Variants in REST observed in about 807,000 individuals in gnomAD.
The protein encoded by REST is RE1 silencing transcription factor, also known as RE1-silencing transcription factor.
In REST, 1 loss-of-function variant was observed where a neutral mutation model predicts 30.4. That is an observed-to-expected ratio of 0.03 (90% CI 0.01 to 0.16). REST has a LOEUF of 0.16. Ranked by LOEUF, REST falls within the 10% of genes least tolerant of loss-of-function variation. The pLI, the probability that REST is intolerant of heterozygous loss-of-function variation, is 1.00. For missense variants in REST, 1,259 were observed against 1,329.5 expected (o/e 0.95, Z 0.82); for synonymous variants, 504 against 451.1 (o/e 1.12, Z -1.49).
At position 56,933,531 on chromosome 4, in the gene REST, T is replaced by A. The variant is rs1260848370; in HGVS notation, c.*1379T>A. Reference sequence around the variant, plus strand: ...TGAAACAAGTACAGTCCAGATTTTTTAAAATCATACTTTCTCAGGGATCTC... The same window carrying A: ...TGAAACAAGTACAGTCCAGATTTTTAAAAATCATACTTTCTCAGGGATCTC... On this transcript the variant is annotated 3_prime_UTR_variant, in exon 4 of 4. Transcript: ENST00000309042. 1 of 152,188 alleles carries A rather than the reference T, an allele frequency of 6.6e-6. No individual in the cohort carries two copies. The highest frequency in any genetic ancestry group is 2.1e-4 in the South Asian group (1 of 4,826). The allele number at this position is 152,188 out of a possible 1,614,324, so 9.4% of individuals were successfully genotyped here.
At chr4:56,914,994 G>A (rs997591673) in intron 2 of REST, among the ~76,000 whole-genome samples, 9 of 135,502 alleles carry the variant, frequency 6.6e-5, no homozygotes, top group East Asian at 2.2e-4. Flanking sequence ...GTGCAATCTC[G>A]GCTCACTGCA....
rs749346190 is a variant in REST, at chr4:56,930,644, C to T, written c.1786C>T (p.Pro596Ser). 11 of 1,613,462 alleles carry T rather than the reference C, an allele frequency of 6.8e-6. No individual in the cohort carries two copies. The highest frequency in any genetic ancestry group is 8.5e-6 in the Non-Finnish European group (10 of 1,179,926). ...ATCAAGTAAGAAAAGCAGTAAGCCT[C>T]CTCAGAAGGAACCTGTTGAGAAGGG... ...NKSSKKSSKP[P>S]QKEPVEKGSA... Residue 596 changes from proline to serine, a missense_variant, in exon 4 of 4, where the codon CCT (proline) becomes TCT (serine). Transcript: ENST00000309042.
chr4:56,910,979 T>G lies in REST; in HGVS notation c.341T>G (p.Leu114Trp). The change falls in exon 2 of 4, where the codon TTG (leucine) becomes TGG (tryptophan). Residue 114 changes from leucine to tryptophan, a missense_variant. This residue lies in a region of REST where 249 missense variants were observed against 251.5 expected (regional missense o/e 0.99). Transcript: ENST00000309042. ...CTGGAAAACATGGAACTGAGAAGTTTGGAACTCAGCGTCGTAGAACCTCAG... is the reference window on the plus strand; with the variant it reads ...CTGGAAAACATGGAACTGAGAAGTTGGGAACTCAGCGTCGTAGAACCTCAG... ...HGLENMELRS[L>W]ELSVVEPQPV... 1 of 1,614,176 alleles carries G rather than the reference T, an allele frequency of 6.2e-7. No homozygotes were observed. Among genetic ancestry groups the G allele is most frequent in the Non-Finnish European group, 8.5e-7 (1 of 1,180,028 alleles).
rs529390824 is a variant in REST, at chr4:56,931,784, C to T, written c.2926C>T (p.Pro976Ser). Residue 976 changes from proline (P) to serine (S), a missense_variant, in exon 4 of 4, where the codon CCT (proline) becomes TCT (serine). Pro to Ser is a moderately conservative substitution (Grantham distance 74). This residue lies in a region of REST where 856 missense variants were observed against 772.8 expected (regional missense o/e 1.11). Coordinates refer to ENST00000309042, the MANE Select transcript of REST (RefSeq NM_005612.5). ...VEEPVSPMLP[P>S]SAVEEREAVS... The stretch of plus-strand genomic sequence containing the variant: ...AGAACCAGTTTCACCAATGCTTCCC[C>T]CTTCAGCAGTAGAAGAACGTGAAGC... 6.2e-7 allele frequency: 1 copy of T among 1,614,192 alleles called. No homozygotes were observed. Among genetic ancestry groups the T allele is most frequent in the Middle Eastern group, 1.6e-4 (1 of 6,062 alleles).
At position 56,931,675 on chromosome 4, in the gene REST, G is replaced by C. The variant is rs1720981067; in HGVS notation, c.2817G>C (p.Gln939His). 3.1e-6 allele frequency: 5 copies of C among 1,614,108 alleles called. No individual in the cohort carries two copies. The highest frequency in any genetic ancestry group is 4.2e-6 in the Non-Finnish European group (5 of 1,180,058). ...PEGETLNGKH[Q>H]TDSIVCEMKM... Reference sequence around the variant, plus strand: ...GTGAAACTTTAAATGGTAAACATCAGACTGACAGTATAGTTTGTGAAATGA... The same window carrying C: ...GTGAAACTTTAAATGGTAAACATCACACTGACAGTATAGTTTGTGAAATGA... Residue 939 changes from glutamine to histidine, a missense_variant, in exon 4 of 4, where the codon CAG (glutamine) becomes CAC (histidine). Coordinates refer to ENST00000309042, the MANE Select transcript of REST (RefSeq NM_005612.5).
intron 3 of REST, among the ~76,000 whole-genome samples, chr4:56,928,474 A>G (rs989016389): frequency 1.3e-5 from 2 of 151,848 alleles, no homozygotes; most frequent in Non-Finnish European, 2.9e-5. Context: ...GGAGTACAGT[A>G]ACACATTCAC....
chr4:56,909,128 C>G (rs1011519538), intron 1 of REST: 1 of 152,386 alleles, frequency 6.6e-6, no homozygotes, highest in Non-Finnish European at 1.5e-5. Flanking sequence ...GGCCAAACAG[C>G]GCCTCGAGCT....
chr4:56,923,145 T>G (rs1017977603), intron 3 of REST, among the ~76,000 whole-genome samples: 5 of 152,244 alleles, frequency 3.3e-5, no homozygotes, highest in African/African-American at 1.2e-4. Flanking sequence ...AAACTAGTAG[T>G]AGCCACTAGC....
rs1721042384 is a variant in REST, at chr4:56,933,368, A to G, written c.*1216A>G. The G allele has an allele frequency of 6.6e-6, 1 of 152,236 alleles. No homozygotes were observed. The highest frequency in any genetic ancestry group is 1.5e-5 in the Non-Finnish European group (1 of 68,038). 9.4% of individuals were successfully genotyped at this position (152,236 alleles called of 1,614,324 possible). The stretch of plus-strand genomic sequence containing the variant: ...TACAAACCTGGAATTAGGAGATATA[A>G]TTATTCCTTCAAGTTTTATAGAATA... On this transcript the variant is annotated 3_prime_UTR_variant, in exon 4 of 4. Transcript: ENST00000309042.
chr4:56,931,782 C>A lies in REST; in HGVS notation c.2924C>A (p.Pro975His), dbSNP rs766383284. The A allele has an allele frequency of 3.1e-5, 50 of 1,614,200 alleles. No individual in the cohort carries two copies. The highest frequency in any genetic ancestry group is 1.6e-4 in the Middle Eastern group (1 of 6,062). ...TVEEPVSPML[P>H]PSAVEEREAV... ...GAAGAACCAGTTTCACCAATGCTTC[C>A]CCCTTCAGCAGTAGAAGAACGTGAA... The change falls in exon 4 of 4, where the codon CCC becomes CAC. Residue 975 changes from proline to histidine, a missense_variant. By Grantham distance (77) the Pro-to-His change is moderately conservative. This residue lies in a region of REST where 856 missense variants were observed against 772.8 expected (regional missense o/e 1.11). Transcript: ENST00000309042.
chr4:56,908,087 G>C lies in REST; in HGVS notation c.-136G>C. ...CCACTCCTGGGCCTTCTTGGTCCAC[G>C]ACGGCCCCAGCACCCAACTTTACCA... On this transcript the variant is annotated 5_prime_UTR_variant, in exon 1 of 4. Transcript: ENST00000309042. The C allele has an allele frequency of 5.9e-6, 2 of 336,544 alleles. No individual in the cohort carries two copies. The highest frequency in any genetic ancestry group is 4.2e-5 in the East Asian group (1 of 23,962). The allele number at this position is 336,544 out of a possible 1,614,324, so 20.8% of individuals were successfully genotyped here.
Position 56,932,945 on chromosome 4 carries a change from G to C in REST, c.*793G>C, listed in dbSNP as rs1721026379. On this transcript the variant is annotated 3_prime_UTR_variant, in exon 4 of 4. Transcript: ENST00000309042. ...TGCTTTTAGACTTGTTTGCAAAAGG[G>C]CAGTTTTCTTTTTCTTTGCTGCAGT... 6.6e-6 allele frequency: 1 copy of C among 152,052 alleles called. No homozygotes were observed. Among genetic ancestry groups the C allele is most frequent in the Non-Finnish European group, 1.5e-5 (1 of 68,022 alleles). The allele number at this position is 152,052 out of a possible 1,614,324, so 9.4% of individuals were successfully genotyped here. A position where few individuals can be genotyped will look rare whatever the true frequency, so the allele number is the denominator to read the frequency against.
At chr4:56,915,021 T>A (rs1289514500) in intron 2 of REST, among the ~76,000 whole-genome samples, 4 of 144,910 alleles carry the variant, frequency 2.8e-5, no homozygotes, top group African/African-American at 1.0e-4. Flanking sequence ...GCCTCCCAGG[T>A]ACAAGCAATT....
chr4:56,927,638 A>G, intron 3 of REST: 2 of 1,223,218 alleles, frequency 1.6e-6, no homozygotes, highest in South Asian at 2.8e-5. Context: ...CCATTTGGTA[A>G]TATTTACTAG....
At position 56,933,582 on chromosome 4, in the gene REST, T is replaced by G. The variant is rs919253429; in HGVS notation, c.*1430T>G. ...CACAAACTGGTGGGTGTCCTGGCTGTCTGTGTGATAGCCTCTTTCTATAGG... is the reference window on the plus strand; with the variant it reads ...CACAAACTGGTGGGTGTCCTGGCTGGCTGTGTGATAGCCTCTTTCTATAGG... On this transcript the variant is annotated 3_prime_UTR_variant, in exon 4 of 4. Coordinates refer to ENST00000309042, the MANE Select transcript of REST (RefSeq NM_005612.5). The G allele has an allele frequency of 4.6e-5, 7 of 152,210 alleles. No individual in the cohort carries two copies. Among genetic ancestry groups the G allele is most frequent in the African/African-American group, 1.2e-4 (5 of 41,456 alleles). The allele number at this position is 152,210 out of a possible 1,614,324, so 9.4% of individuals were successfully genotyped here. A position where few individuals can be genotyped will look rare whatever the true frequency, so the allele number is the denominator to read the frequency against.
chr4:56,920,874 A>AT (rs1186905202), intron 3 of REST, among the ~76,000 whole-genome samples: 1 of 151,810 alleles, frequency 6.6e-6, no homozygotes, highest in Non-Finnish European at 1.5e-5. Context: ...TTATTTTTAT[A>AT]TTTTTTTTGG....
At chr4:56,914,959 T>C (rs1425504270) in intron 2 of REST, among the ~76,000 whole-genome samples, 2 of 149,066 alleles carry the variant, frequency 1.3e-5, no homozygotes, top group African/African-American at 2.5e-5. Flanking sequence ...AGTTTTACTC[T>C]TGTCGCCCAG....
At chr4:56,919,376 T>TA (rs34219963) in intron 2 of REST, among the ~76,000 whole-genome samples, 77 of 149,234 alleles carry the variant, frequency 5.2e-4, no homozygotes, top group African/African-American at 1.4e-3. Flanking sequence ...ATTTACAAGT[T>TA]AAAAAAAAAA....
Position 56,933,632 on chromosome 4 carries a change from A to G in REST, c.*1480A>G, listed in dbSNP as rs1241012367. ...GTGAGGCCTCAAATGAATTGCAGCT[A>G]TCCTGGTGTTCCTATGAGGGCACTT... On this transcript the variant is annotated 3_prime_UTR_variant, in exon 4 of 4. Coordinates refer to ENST00000309042, the MANE Select transcript of REST (RefSeq NM_005612.5). 1 of 152,204 alleles carries G rather than the reference A, an allele frequency of 6.6e-6. No individual in the cohort carries two copies. The highest frequency in any genetic ancestry group is 2.4e-5 in the African/African-American group (1 of 41,450). The allele number at this position is 152,204 out of a possible 1,614,324, so 9.4% of individuals were successfully genotyped here.
Sources: gnomAD v4.1 joint callset for allele counts (sites outside exome capture counted in the v4.1 genomes callset) on GRCh38, gnomAD v4.1.1 for gene constraint, gnomAD v4.1.1 regional missense constraint, MANE v1.5 for transcripts, NCBI Gene and HGNC (gene_info 2026-07-23, HGNC 2026-07-21) for gene names.